The following CEP72 variants were observed in gnomAD, a reference collection of about 807,000 sequenced individuals.
CEP72 encodes the protein centrosomal protein 72.
CEP72 carries 78 observed loss-of-function variants against 65.7 expected under a neutral mutation model. The observed-to-expected ratio is 1.19, with a 90% CI of 0.99 to 1.43. The LOEUF (loss-of-function observed/expected upper bound fraction) is 1.43, where lower values mean the gene tolerates loss of function less well. Among genes scored for constraint, CEP72 ranks in the 40% most tolerant of loss-of-function variants. The pLI is 0.00. For synonymous variants in CEP72, 358 were observed against 351.7 expected (o/e 1.02, Z -0.20); for missense variants, 914 against 832.9 (o/e 1.10, Z -1.20).
chr5:620,092 G>C lies in CEP72; in HGVS notation c.234G>C (p.Leu78Phe), dbSNP rs1215656875. Residue 78 changes from leucine (L) to phenylalanine (F), a missense_variant, in exon 3 of 12, where the codon TTG (leucine) becomes TTC (phenylalanine). Coordinates refer to ENST00000264935, the MANE Select transcript of CEP72 (RefSeq NM_018140.4). ...AGGGCATTCAGTACCTGACTGCATT[G>C]GAGAGTCTCAATCTCTACTACAACT... is the stretch of plus-strand genomic sequence containing the variant. The part of the protein sequence containing the change: ...SLEGIQYLTA[L>F]ESLNLYYNCI... 1 of 1,611,714 alleles carries C rather than the reference G, an allele frequency of 6.2e-7. No homozygotes were observed. Among genetic ancestry groups the C allele is most frequent in the East Asian group, 2.2e-5 (1 of 44,816 alleles).
chr5:625,950 C>T (rs957979310), intron 4 of CEP72, among the ~76,000 whole-genome samples: 1 of 151,808 alleles, frequency 6.6e-6, no homozygotes, highest in Non-Finnish European at 1.5e-5. Flanking sequence ...TTAATGGCCT[C>T]ATGGTAATTT....
downstream of CEP72, among the ~76,000 whole-genome samples, chr5:668,400 C>T (rs1313105936): frequency 3.2e-5 from 3 of 92,546 alleles, no homozygotes; most frequent in East Asian, 4.7e-4. Flanking sequence ...AGGGAAGTAC[C>T]GACAAGCACA....
At chr5:671,894 G>C (rs1187592195), downstream of CEP72, among the ~76,000 whole-genome samples, 1 of 152,174 alleles carries the variant, frequency 6.6e-6, no homozygotes, top group Non-Finnish European at 1.5e-5. Context: ...CCCTTCCCCC[G>C]GGCTGGGTAC....
downstream of CEP72, among the ~76,000 whole-genome samples, chr5:657,519 C>G (rs1409969711): frequency 2.0e-5 from 3 of 152,200 alleles, no homozygotes. Context: ...TTTGATGGAA[C>G]TTGCTGGTGA....
At chr5:638,354 C>T (rs150909331) in intron 7 of CEP72, among the ~76,000 whole-genome samples, 98 of 152,172 alleles carry the variant, frequency 6.4e-4, no homozygotes, top group African/African-American at 2.2e-3. Context: ...GGACAACTGG[C>T]GCAGGCCCAG....
intron 11 of CEP72, among the ~76,000 whole-genome samples, chr5:649,615 T>A: frequency 1.1e-5 from 1 of 94,782 alleles, no homozygotes; most frequent in South Asian, 4.0e-4. Flanking sequence ...GCGTGGACTG[T>A]GAGGCGTGGA....
intron 5 of CEP72, among the ~76,000 whole-genome samples, chr5:634,730 T>A (rs911518738): frequency 6.6e-6 from 1 of 152,108 alleles, no homozygotes; most frequent in Admixed American, 6.5e-5. Flanking sequence ...TAGTATTGAG[T>A]CCTAAGAGAT....
chr5:627,667 A>G (rs1736842256), intron 4 of CEP72, among the ~76,000 whole-genome samples: 1 of 151,928 alleles, frequency 6.6e-6, no homozygotes, highest in Non-Finnish European at 1.5e-5. Flanking sequence ...TGCTGACACC[A>G]CTCCAAATAC....
downstream of CEP72, among the ~76,000 whole-genome samples, chr5:658,958 G>A (rs1284043869): frequency 2.6e-5 from 4 of 152,154 alleles, no homozygotes; most frequent in South Asian, 2.1e-4. Flanking sequence ...GTGAGCCACC[G>A]CGCCCGGCCT....
At chr5:657,980 C>T (rs774487137), downstream of CEP72, among the ~76,000 whole-genome samples, 7 of 152,166 alleles carry the variant, frequency 4.6e-5, no homozygotes, top group Non-Finnish European at 8.8e-5. Flanking sequence ...CATTTCTTTT[C>T]GAGTTAGTTT....
chr5:624,437 C>G lies in CEP72; in HGVS notation c.404-34C>G. The G allele has an allele frequency of 6.4e-7, 1 of 1,552,800 alleles. No individual in the cohort carries two copies. The highest frequency in any genetic ancestry group is 8.9e-7 in the Non-Finnish European group (1 of 1,124,184). On this transcript the variant is annotated intron_variant, in intron 3 of 11. Coordinates refer to ENST00000264935, the MANE Select transcript of CEP72 (RefSeq NM_018140.4). This position sits in a 1 kb window ranked among gnomAD's most constrained non-coding sequence, Gnocchi z 4.7. ...GTGGATGCAGCCGCCCGCCGCTTGC[C>G]ACCTGCACAGTCTTGTGTGGCCTTT...
chr5:653,093 G>A lies in CEP72; in HGVS notation c.1884G>A (p.Lys628=). ...EQMHWSYQEL[K]KTMALFPHSS... is the part of the protein sequence containing the mutation. ...TGCACTGGAGCTACCAGGAGCTCAAGAAGACCATGGCCCTGTTTCCACACA... is the reference window on the plus strand; with the variant it reads ...TGCACTGGAGCTACCAGGAGCTCAAAAAGACCATGGCCCTGTTTCCACACA... The change falls in exon 12 of 12, where the codon AAG becomes AAA. Residue 628 remains lysine, a synonymous_variant. Transcript: ENST00000264935. 6.2e-7 allele frequency: 1 copy of A among 1,613,660 alleles called. No homozygotes were observed. Among genetic ancestry groups the A allele is most frequent in the Non-Finnish European group, 8.5e-7 (1 of 1,180,014 alleles).
In CEP72 at chr5:645,149, A is replaced by T. The variant is rs1199724611; in HGVS notation, c.1666+724A>T. On this transcript the variant is annotated intron_variant, in intron 10 of 11. Coordinates refer to ENST00000264935, the MANE Select transcript of CEP72 (RefSeq NM_018140.4). The surrounding 1 kb of genome is among the most constrained non-coding windows in gnomAD (Gnocchi z 4.0). ...GCTCATGGACTTTTCCTCAAAGGCC[A>T]GGTAGTAACCGTTTCAGGGCGTGTG... Among the ~76,000 whole-genome samples, 1 of 152,104 alleles carries T rather than the reference A, an allele frequency of 6.6e-6. No individual in the cohort carries two copies. The highest frequency in any genetic ancestry group is 1.9e-4 in the East Asian group (1 of 5,168).
chr5:650,894 C>T (rs62650529), intron 11 of CEP72, among the ~76,000 whole-genome samples: 2 of 54 alleles, frequency 0.037, 1 homozygote, highest in Non-Finnish European at 0.071. Flanking sequence ...GACTGTGAGG[C>T]GTGGACTGTG....
chr5:644,676 G>A (rs1612373), intron 10 of CEP72, among the ~76,000 whole-genome samples: 30,119 of 152,076 alleles, frequency 0.2, 3,346 homozygotes, highest in East Asian at 0.43. Context: ...CACCCTGCCC[G>A]ACCGTCCTCC....
At position 624,854 on chromosome 5, in the gene CEP72, T is replaced by C. The variant is rs1736644195; in HGVS notation, c.512+275T>C. ...CAGCAAAGGGCTTGTCCTGTCCCTT[T>C]CCCGGGGCTGGCAGCTCTCACGTCT... On this transcript the variant is annotated intron_variant, in intron 4 of 11. Coordinates refer to ENST00000264935, the MANE Select transcript of CEP72 (RefSeq NM_018140.4). This position sits in a 1 kb window ranked among gnomAD's most constrained non-coding sequence, Gnocchi z 4.7. Among the ~76,000 whole-genome samples, 1 of 152,194 alleles carries C rather than the reference T, an allele frequency of 6.6e-6. No individual in the cohort carries two copies. The highest frequency in any genetic ancestry group is 2.4e-5 in the African/African-American group (1 of 41,438).
Position 624,944 on chromosome 5 carries a change from C to T in CEP72, c.512+365C>T, listed in dbSNP as rs1736650587. Among the ~76,000 whole-genome samples, 1 of 152,214 alleles carries T rather than the reference C, an allele frequency of 6.6e-6. No individual in the cohort carries two copies. The highest frequency in any genetic ancestry group is 2.1e-4 in the South Asian group (1 of 4,834). ...CTTAGCTGCCCATCCAGCCAAATCC[C>T]ACTTCTGGCCGTGAGCACATTCAGC... On this transcript the variant is annotated intron_variant, in intron 4 of 11. Transcript: ENST00000264935. This position sits in a 1 kb window ranked among gnomAD's most constrained non-coding sequence, Gnocchi z 4.7.
At chr5:638,319 C>G (rs1200070541) in intron 7 of CEP72, among the ~76,000 whole-genome samples, 1 of 152,070 alleles carries the variant, frequency 6.6e-6, no homozygotes, top group African/African-American at 2.4e-5. Flanking sequence ...GTCACTCCAC[C>G]CTCAGGGTGA....
downstream of CEP72, among the ~76,000 whole-genome samples, chr5:669,249 C>G (rs1740094120): frequency 6.7e-6 from 1 of 150,076 alleles, no homozygotes; most frequent in Non-Finnish European, 1.5e-5. Flanking sequence ...GCGCTGTTGT[C>G]CAGCAGCATC....
Sources: allele counts gnomAD v4.1 joint callset (sites outside exome capture counted in the v4.1 genomes callset), GRCh38; gene constraint gnomAD v4.1.1; non-coding constraint Gnocchi (gnomAD v3.1); transcripts MANE v1.5; gene names NCBI Gene and HGNC (gene_info 2026-07-23, HGNC 2026-07-21).